AP1S3: variants seen among roughly 807,000 people sequenced by gnomAD.
The protein encoded by AP1S3 is adaptor related protein complex 1 subunit sigma 3.
In AP1S3, 10 loss-of-function variants were observed where a neutral mutation model predicts 20.9. That is an observed-to-expected ratio of 0.48 (90% CI 0.29 to 0.81). The LOEUF is 0.81. Among genes scored for constraint, AP1S3 ranks in the 30% least tolerant of loss-of-function variants. The pLI is 0.08. For synonymous variants in AP1S3, 41 were observed against 61.5 expected, an observed-to-expected ratio of 0.67 and a Z score of 1.56; for missense variants, 154 against 183.8, an observed-to-expected ratio of 0.84 and a Z score of 0.94.
chr2:223,773,140 T>C (rs1690672885), intron 3 of AP1S3, among the ~76,000 whole-genome samples: 1 of 152,246 alleles, frequency 6.6e-6, no homozygotes, highest in South Asian at 2.1e-4. Context: ...ACTCAAGTTC[T>C]CTTGAGAAGC....
chr2:223,819,207 T>C (rs1007696104), intron 1 of AP1S3, among the ~76,000 whole-genome samples: 2 of 152,324 alleles, frequency 1.3e-5, no homozygotes, highest in Middle Eastern at 3.4e-3. Context: ...TTTGGTGTCA[T>C]AGCAATCAGC....
intron 1 of AP1S3, among the ~76,000 whole-genome samples, chr2:223,826,267 A>G (rs1374742007): frequency 6.6e-6 from 1 of 152,048 alleles, no homozygotes; most frequent in Admixed American, 6.6e-5. Context: ...AATTCCAGGA[A>G]ATTTCAGTAC....
chr2:223,803,308 T>C (rs1462493055), intron 1 of AP1S3, among the ~76,000 whole-genome samples: 1 of 152,226 alleles, frequency 6.6e-6, no homozygotes, highest in Non-Finnish European at 1.5e-5. Flanking sequence ...TTAACTTATA[T>C]GCAAGATGAG....
intron 1 of AP1S3, among the ~76,000 whole-genome samples, chr2:223,831,451 A>T (rs1391972853): frequency 1.3e-5 from 2 of 152,200 alleles, no homozygotes; most frequent in African/African-American, 4.8e-5. Context: ...ACATTTCCTT[A>T]GTCAGGGTGC....
intron 3 of AP1S3, chr2:223,770,347 T>C: frequency 6.5e-7 from 1 of 1,549,600 alleles, no homozygotes; most frequent in Non-Finnish European, 8.7e-7. Context: ...ACCTGACAGA[T>C]ACTAATGAAA....
At chr2:223,777,233 TA>T (rs1465817310) in intron 2 of AP1S3, among the ~76,000 whole-genome samples, 2 of 152,190 alleles carry the variant, frequency 1.3e-5, no homozygotes, top group South Asian at 4.1e-4. Flanking sequence ...CCGTCTCTCT[TA>T]AAATACAAAA....
chr2:223,817,592 A>G (rs1169809580), intron 1 of AP1S3, among the ~76,000 whole-genome samples: 1 of 146,206 alleles, frequency 6.8e-6, no homozygotes, highest in Non-Finnish European at 1.5e-5. Context: ...TAGGTGACAG[A>G]GACAGACTCC....
At chr2:223,789,674 CAA>C (rs536845135) in intron 1 of AP1S3, among the ~76,000 whole-genome samples, 35 of 89,098 alleles carry the variant, frequency 3.9e-4, no homozygotes, top group Admixed American at 3.5e-4. Context: ...AACCCTGTCT[CAA>C]AAAAAAAAAA....
chr2:223,796,775 C>T (rs996371766), intron 1 of AP1S3, among the ~76,000 whole-genome samples: 2 of 152,076 alleles, frequency 1.3e-5, no homozygotes, highest in Non-Finnish European at 2.9e-5. Flanking sequence ...GCGATTCTCC[C>T]GCCTCAGCCT....
chr2:223,828,945 C>T (rs965045824), intron 1 of AP1S3, among the ~76,000 whole-genome samples: 8 of 152,296 alleles, frequency 5.3e-5, no homozygotes, highest in African/African-American at 1.2e-4. Context: ...CGGGTTCAAG[C>T]GATTCTCAGC....
chr2:223,765,082 C>T, intron 4 of AP1S3, 131 bp downstream of exon 4: 1 of 1,307,102 alleles, frequency 7.7e-7, no homozygotes, highest in Non-Finnish European at 1.0e-6. Flanking sequence ...TAAGCTAATA[C>T]ATATAAATAG....
At chr2:223,787,384 C>G (rs547100582) in intron 1 of AP1S3, among the ~76,000 whole-genome samples, 37 of 152,336 alleles carry the variant, frequency 2.4e-4, no homozygotes, top group Non-Finnish European at 4.9e-4. Flanking sequence ...ACTCCTGGGT[C>G]TCAACCCTTC....
intron 1 of AP1S3, among the ~76,000 whole-genome samples, chr2:223,819,949 T>C (rs1691949444): frequency 6.6e-6 from 1 of 151,678 alleles, no homozygotes; most frequent in African/African-American, 2.4e-5. Flanking sequence ...AAAATCTTAA[T>C]GTAACACTTG....
At chr2:223,770,422 TG>T (rs1690591163) in intron 3 of AP1S3, 2 of 1,506,522 alleles carry the variant, frequency 1.3e-6, no homozygotes, top group Admixed American at 2.3e-5. Flanking sequence ...CCAGCAGCCA[TG>T]GGGCAATTAA....
At chr2:223,823,165 T>G (rs142963889) in intron 1 of AP1S3, among the ~76,000 whole-genome samples, 196 of 152,296 alleles carry the variant, frequency 1.3e-3, no homozygotes, top group Non-Finnish European at 2.5e-4. Context: ...ACAGCTATTA[T>G]AGAAAACAGT....
intron 3 of AP1S3, among the ~76,000 whole-genome samples, chr2:223,766,681 T>G (rs1376289067): frequency 1.3e-5 from 2 of 152,186 alleles, no homozygotes; most frequent in Non-Finnish European, 2.9e-5. Flanking sequence ...GAAATACCAT[T>G]TGACCCGGCA....
At chr2:223,787,904 C>T (rs1691113541) in intron 1 of AP1S3, among the ~76,000 whole-genome samples, 1 of 152,214 alleles carries the variant, frequency 6.6e-6, no homozygotes, top group Admixed American at 6.5e-5. Context: ...GGGCTGCTGA[C>T]ACTGTCCACA....
intron 1 of AP1S3, among the ~76,000 whole-genome samples, chr2:223,778,671 A>G (rs1023786608): frequency 6.6e-6 from 1 of 152,032 alleles, no homozygotes; most frequent in African/African-American, 2.4e-5. Context: ...GGGGAACGAG[A>G]AAATGAGAAG....
At chr2:223,770,669 G>T (rs893088808) in intron 3 of AP1S3, among the ~76,000 whole-genome samples, 1 of 150,478 alleles carries the variant, frequency 6.6e-6, no homozygotes, top group Admixed American at 6.6e-5. Flanking sequence ...GTTATTCTTT[G>T]AGTCTACTGC....
Sources: allele counts gnomAD v4.1 joint callset (sites outside exome capture counted in the v4.1 genomes callset), GRCh38; gene constraint gnomAD v4.1.1; transcripts MANE v1.5; gene names NCBI Gene and HGNC (gene_info 2026-07-23, HGNC 2026-07-21).